CMSS1: variants seen among roughly 807,000 people sequenced by gnomAD.
The protein encoded by CMSS1 is cms1 ribosomal small subunit homolog, also known as protein CMSS1.
Under a neutral mutation model 43.5 loss-of-function variants are expected in CMSS1, and 33 were observed. The observed-to-expected ratio is 0.76, with a 90% CI of 0.57 to 1.01. CMSS1 has a LOEUF of 1.01. Ranked by LOEUF, CMSS1 falls within the 50% of genes least tolerant of loss-of-function variation. The pLI, the probability that CMSS1 is intolerant of heterozygous loss-of-function variation, is 0.00. For missense variants in CMSS1, 313 were observed against 326.4 expected (o/e 0.96, Z 0.32); for synonymous variants, 115 against 117.2 (o/e 0.98, Z 0.12).
chr3:99,966,828 C>T (rs1196876216), intron 1 of CMSS1, among the ~76,000 whole-genome samples: 3 of 152,096 alleles, frequency 2.0e-5, no homozygotes, highest in South Asian at 2.1e-4. Context: ...CAGAGCATGC[C>T]GTACTTGAAC....
At chr3:99,916,446 ACACAC>A (rs1706955268) in intron 1 of CMSS1, among the ~76,000 whole-genome samples, 1 of 61,802 alleles carries the variant, frequency 1.6e-5, no homozygotes, top group African/African-American at 5.4e-5. Context: ...ATACACACAC[ACACAC>A]ACACACACAC....
At chr3:99,971,998 T>C (rs1031139714) in intron 1 of CMSS1, among the ~76,000 whole-genome samples, 9 of 152,184 alleles carry the variant, frequency 5.9e-5, no homozygotes, top group African/African-American at 2.2e-4. Flanking sequence ...TGACATGGAG[T>C]ATAGTCAGCA....
At chr3:100,079,207 G>T (rs1171778850) in intron 1 of CMSS1, among the ~76,000 whole-genome samples, 2 of 152,138 alleles carry the variant, frequency 1.3e-5, no homozygotes, top group African/African-American at 2.4e-5. Context: ...GGTGAGAGTC[G>T]CCAGGCCATT....
intron 1 of CMSS1, among the ~76,000 whole-genome samples, chr3:100,088,125 C>A (rs1437932087): frequency 9.9e-5 from 15 of 152,152 alleles, no homozygotes; most frequent in Non-Finnish European, 1.5e-5. Context: ...GCCACTGCAC[C>A]TGGCTCTAAC....
chr3:100,176,204 G>A, intron 8 of CMSS1, 123 bp from the exon 9 acceptor site: 1 of 630,408 alleles, frequency 1.6e-6, no homozygotes, highest in South Asian at 2.0e-5. Flanking sequence ...AATGTGCGGA[G>A]ATTAGTTACT....
At chr3:99,995,675 A>G (rs922205783) in intron 1 of CMSS1, among the ~76,000 whole-genome samples, 8 of 152,196 alleles carry the variant, frequency 5.3e-5, no homozygotes, top group African/African-American at 1.9e-4. Flanking sequence ...ATCTTCTGAC[A>G]TCTAGGCAGA....
chr3:99,819,542 T>C (rs1942389568), intron 1 of CMSS1, among the ~76,000 whole-genome samples: 1 of 152,176 alleles, frequency 6.6e-6, no homozygotes, highest in Non-Finnish European at 1.5e-5. Flanking sequence ...TCTTCATTTG[T>C]ATAGGTGAAG....
intron 1 of CMSS1, among the ~76,000 whole-genome samples, chr3:100,077,213 A>T (rs1401930194): frequency 6.6e-6 from 1 of 152,234 alleles, no homozygotes; most frequent in African/African-American, 2.4e-5. Flanking sequence ...GTAGGTTCCA[A>T]GCAAATGGGA....
intron 1 of CMSS1, chr3:100,114,926 T>TC: frequency 6.5e-7 from 1 of 1,529,210 alleles, no homozygotes; most frequent in Non-Finnish European, 8.8e-7. Flanking sequence ...GCCTGCCTGT[T>TC]CCATTTAGTG....
At chr3:99,908,917 G>A (rs1002387575) in intron 1 of CMSS1, among the ~76,000 whole-genome samples, 2 of 151,760 alleles carry the variant, frequency 1.3e-5, no homozygotes, top group Non-Finnish European at 1.5e-5. Context: ...ATCTTAATTA[G>A]CTTCAGGGAT....
At chr3:100,073,759 G>A (rs147999025) in intron 1 of CMSS1, among the ~76,000 whole-genome samples, 24 of 152,198 alleles carry the variant, frequency 1.6e-4, no homozygotes, top group Non-Finnish European at 2.5e-4. Flanking sequence ...GGTGTGTGCC[G>A]GGCAAGATCT....
intron 1 of CMSS1, chr3:99,930,021 A>G: frequency 1.9e-6 from 3 of 1,605,008 alleles, no homozygotes; most frequent in Non-Finnish European, 2.5e-6. Flanking sequence ...CTATGACCTC[A>G]TCTCGAGCCT....
At chr3:100,111,884 G>A (rs2066497036) in intron 1 of CMSS1, among the ~76,000 whole-genome samples, 1 of 152,142 alleles carries the variant, frequency 6.6e-6, no homozygotes, top group Non-Finnish European at 1.5e-5. Flanking sequence ...ATCTAAAATT[G>A]TCTCCATATC....
At chr3:99,965,089 TAA>T (rs1708609419) in intron 1 of CMSS1, among the ~76,000 whole-genome samples, 1 of 152,262 alleles carries the variant, frequency 6.6e-6, no homozygotes, top group African/African-American at 2.4e-5. Context: ...TATTTTCTAG[TAA>T]TTACCTTGAA....
intron 1 of CMSS1, among the ~76,000 whole-genome samples, chr3:99,965,723 G>A (rs1011076506): frequency 1.3e-5 from 2 of 152,200 alleles, no homozygotes; most frequent in Admixed American, 1.3e-4. Context: ...GCTTATTGGG[G>A]ATTAAGGCCC....
At chr3:100,178,214 A>G (rs1170021453) in intron 9 of CMSS1, 91 bp from the exon 10 acceptor site, 2 of 701,640 alleles carry the variant, frequency 2.9e-6, no homozygotes, top group African/African-American at 3.6e-5. Flanking sequence ...ACAGCTGGGT[A>G]AATATCAGGG....
chr3:99,971,442 T>G (rs1708819531), intron 1 of CMSS1, among the ~76,000 whole-genome samples: 1 of 151,964 alleles, frequency 6.6e-6, no homozygotes, highest in Admixed American at 6.5e-5. Context: ...CTTTTCTACA[T>G]GTTGAATATG....
chr3:100,010,621 TTTTTG>T (rs1710119165), intron 1 of CMSS1, among the ~76,000 whole-genome samples: 1 of 151,086 alleles, frequency 6.6e-6, no homozygotes, highest in South Asian at 2.1e-4. Flanking sequence ...TCTTTTTTTT[TTTTTG>T]TTTTTGGAGA....
intron 1 of CMSS1, among the ~76,000 whole-genome samples, chr3:99,933,239 A>C (rs1246310855): frequency 6.6e-6 from 1 of 152,212 alleles, no homozygotes; most frequent in Admixed American, 6.5e-5. Flanking sequence ...ACCTTGTCCG[A>C]AAAATGCCTA....
Sources: gnomAD v4.1 joint callset for allele counts (sites outside exome capture counted in the v4.1 genomes callset) on GRCh38, gnomAD v4.1.1 for gene constraint, MANE v1.5 for transcripts, NCBI Gene and HGNC (gene_info 2026-07-23, HGNC 2026-07-21) for gene names.